CCDC141: variants seen among roughly 807,000 people sequenced by gnomAD.
The protein encoded by CCDC141 is coiled-coil domain containing 141, also known as coiled-coil domain-containing protein 141.
In CCDC141, 168 loss-of-function variants were observed where a neutral mutation model predicts 181.0. That is an observed-to-expected ratio of 0.93 (90% confidence interval 0.82 to 1.05). CCDC141 has a LOEUF of 1.05. Among genes scored for constraint, CCDC141 ranks in the 50% least tolerant of loss-of-function variants. The pLI is 0.00. For synonymous variants in CCDC141, 666 were observed against 642.3 expected (o/e 1.04, Z -0.56); for missense variants, 1,902 against 1,788.5 (o/e 1.06, Z -1.14).
rs758023806 is a variant in CCDC141, at chr2:178,944,618, A to G, written c.814T>C (p.Leu272=). ...TCWFQKTIRN[L]QEQSLGSSLS... ...GATGAACCTAGACTTTGTTCCTGTA[A>G]ATTTCTTATAGTTTTCTGAAACCAA... The change falls in exon 6 of 24, where the codon TTA becomes CTA. Residue 272 remains leucine, a synonymous_variant. Transcript: ENST00000443758. 5.9e-5 allele frequency: 90 copies of G among 1,528,074 alleles called. No individual in the cohort carries two copies. Among genetic ancestry groups the G allele is most frequent in the Non-Finnish European group, 7.2e-5 (82 of 1,137,030 alleles). 94.7% of individuals were successfully genotyped at this position (1,528,074 alleles called of 1,614,324 possible). A position where few individuals can be genotyped will look rare whatever the true frequency, so the allele number is the denominator to read the frequency against.
In CCDC141 at chr2:178,944,169, G is replaced by A. The variant is rs1175193916; in HGVS notation, c.897+366C>T. 2.0e-5 allele frequency among the ~76,000 whole-genome samples: 3 copies of A among 152,242 alleles called. No individual in the cohort carries two copies. In the East Asian group the frequency reaches 5.8e-4, roughly 29 times the overall value. On this transcript the variant is annotated intron_variant, in intron 6 of 23. Transcript: ENST00000443758. ...TATATTACACTGGTCAAGTGACTTG[G>A]CATTTCCAAGCCTTTTTGTTTTATT... is the stretch of plus-strand genomic sequence containing the variant.
intron 6 of CCDC141, among the ~76,000 whole-genome samples, chr2:178,932,211 T>C (rs1039610599): frequency 6.6e-6 from 1 of 152,104 alleles, no homozygotes; most frequent in Admixed American, 6.6e-5. Context: ...AAAACTGTTA[T>C]ATACAACCAC....
Position 178,899,443 on chromosome 2 carries a change from G to C in CCDC141, c.1265+5886C>G, listed in dbSNP as rs113872890. On this transcript the variant is annotated intron_variant, in intron 8 of 23. Coordinates refer to ENST00000443758, the MANE Select transcript of CCDC141 (RefSeq NM_173648.4). ...TAGAGAGGGCTCAATAAATAAGTGA[G>C]TTTGTGCTCAACTGGTGGTGCTGTC... 1.3e-3 allele frequency among the ~76,000 whole-genome samples: 194 copies of C among 152,208 alleles called. 2 individuals are homozygous for C. The highest frequency in any genetic ancestry group is 4.4e-3 in the African/African-American group (183 of 41,550).
intron 17 of CCDC141, among the ~76,000 whole-genome samples, chr2:178,865,437 G>A (rs1208765502): frequency 1.3e-5 from 2 of 152,140 alleles, no homozygotes; most frequent in Non-Finnish European, 2.9e-5. Context: ...TGAAGCAAAT[G>A]ACTGCTATAC....
chr2:179,015,084 A>ATATATATATATAT (rs2042401623), intron 2 of CCDC141, among the ~76,000 whole-genome samples: 1 of 41,600 alleles, frequency 2.4e-5, no homozygotes, highest in African/African-American at 7.4e-5. Context: ...ATATATATAT[A>ATATATATATATAT]TATATATATA....
intron 2 of CCDC141, among the ~76,000 whole-genome samples, chr2:179,045,481 A>G (rs1288601186): frequency 6.6e-6 from 1 of 152,158 alleles, no homozygotes; most frequent in Non-Finnish European, 1.5e-5. Context: ...ATACGTGTGC[A>G]TATGTTTTAT....
chr2:178,881,915 T>TCTCA (rs1465946696), intron 11 of CCDC141, among the ~76,000 whole-genome samples: 90 of 92,346 alleles, frequency 9.7e-4, no homozygotes, highest in African/African-American at 1.5e-3. Context: ...TCTCTCTCTC[T>TCTCA]CACACACACA....
chr2:178,881,913 TCTCA>T (rs753199903), intron 11 of CCDC141, among the ~76,000 whole-genome samples: 4,623 of 110,520 alleles, frequency 0.042, 73 homozygotes, highest in Non-Finnish European at 0.062. Flanking sequence ...TCTCTCTCTC[TCTCA>T]CACACACACA....
rs10930846 is a variant in CCDC141 at position 178,975,106 on chromosome 2, A to G, written c.477T>C (p.Ser159=). The G allele has an allele frequency of 0.27, 415,461 of 1,520,870 alleles. 63,482 individuals are homozygous for G. The highest frequency in any genetic ancestry group is 0.71 in the East Asian group (28,569 of 40,426). 94.2% of individuals were successfully genotyped at this position (1,520,870 alleles called of 1,614,324 possible). A position where few individuals can be genotyped will look rare whatever the true frequency, so the allele number is the denominator to read the frequency against. ...DFLQNTHEFE[S]AESLKSLLQL... ...GAAGAAGTGATTTTAAGGACTCAGC[A>G]CTCTCAAACTCATGAGTATTCTGGA... The change falls in exon 4 of 24, where the codon AGT becomes AGC. Residue 159 remains serine (S), a synonymous_variant. Coordinates refer to ENST00000443758, the MANE Select transcript of CCDC141 (RefSeq NM_173648.4).
the CCDC141 span, among the ~76,000 whole-genome samples, chr2:178,824,744 T>C: frequency 4.0e-5 from 6 of 151,426 alleles, no homozygotes; most frequent in Admixed American, 1.3e-4. Flanking sequence ...ATGGTGTTCA[T>C]AATCCATTTT....
rs561146400 is a variant in CCDC141, at chr2:178,837,890, G to A, written c.3475-146C>T. 3.6e-4 allele frequency: 287 copies of A among 797,252 alleles called. 4 individuals are homozygous for A. In the South Asian group the frequency reaches 5.0e-3, roughly 14 times the overall value. The allele number at this position is 797,252 out of a possible 1,614,324, so 49.4% of individuals were successfully genotyped here. A position where few individuals can be genotyped will look rare whatever the true frequency, so the allele number is the denominator to read the frequency against. On this transcript the variant is annotated intron_variant, in intron 22 of 23. Coordinates refer to ENST00000443758, the MANE Select transcript of CCDC141 (RefSeq NM_173648.4). ...GGGCTGGAGCAAGAATTACGGATGA[G>A]AAACCATTTGTCTGTCGATCCTGAG...
chr2:178,904,873 C>A (rs1687886833), intron 8 of CCDC141, among the ~76,000 whole-genome samples: 1 of 152,032 alleles, frequency 6.6e-6, no homozygotes, highest in African/African-American at 2.4e-5. Flanking sequence ...TCACTGTTTA[C>A]TTAGGGTTTT....
intron 4 of CCDC141, among the ~76,000 whole-genome samples, chr2:178,972,788 T>A (rs537220051): frequency 6.6e-6 from 1 of 152,316 alleles, no homozygotes; most frequent in African/African-American, 2.4e-5. Flanking sequence ...GGAACCAACT[T>A]GTTCTGAAAC....
chr2:179,014,125 A>G (rs2154384731), intron 2 of CCDC141, among the ~76,000 whole-genome samples: 1 of 152,216 alleles, frequency 6.6e-6, no homozygotes, highest in African/African-American at 2.4e-5. Flanking sequence ...CCAAATACTC[A>G]CAGCCAACTG....
At chr2:179,025,950 T>A (rs2154386270) in intron 2 of CCDC141, among the ~76,000 whole-genome samples, 1 of 152,244 alleles carries the variant, frequency 6.6e-6, no homozygotes, top group Non-Finnish European at 1.5e-5. Flanking sequence ...GAGAGATGAT[T>A]TAGGGTATCT....
In CCDC141 at chr2:178,837,274, G is replaced by A. The variant is rs1684519507; in HGVS notation, c.3945C>T (p.Ile1315=). The A allele has an allele frequency of 1.2e-6, 2 of 1,613,982 alleles. No homozygotes were observed. Among genetic ancestry groups the A allele is most frequent in the Admixed American group, 1.7e-5 (1 of 59,984 alleles). The change falls in exon 23 of 24, where the codon ATC becomes ATT. Residue 1315 remains isoleucine, a synonymous_variant. Coordinates refer to ENST00000443758, the MANE Select transcript of CCDC141 (RefSeq NM_173648.4). ...TCATGCTCTCTGGATGTTCAGCACT[G>A]ATTCTGTGTAAGGCAGTACTCTTTT... ...FVEKSTALHR[I]SAEHPESMMS...
At chr2:179,026,146 A>G (rs533330848) in intron 2 of CCDC141, among the ~76,000 whole-genome samples, 1 of 152,342 alleles carries the variant, frequency 6.6e-6, no homozygotes, top group South Asian at 2.1e-4. Flanking sequence ...TGCATAAGTA[A>G]TGAGGGGCCA....
intron 2 of CCDC141, among the ~76,000 whole-genome samples, chr2:179,045,155 TC>T (rs566317442): frequency 7.6e-6 from 1 of 131,910 alleles, no homozygotes; most frequent in Non-Finnish European, 1.6e-5. Context: ...ATGCTATCCC[TC>T]CCCCCTCCCC....
intron 5 of CCDC141, among the ~76,000 whole-genome samples, chr2:178,952,567 GGAAGCAATAGTCAT>G (rs1287608565): frequency 6.6e-6 from 1 of 152,136 alleles, no homozygotes; most frequent in Non-Finnish European, 1.5e-5. Context: ...CAGTGCCATT[GGAAGCAATAGTCAT>G]TCGCATACAT....
Sources: gnomAD v4.1 joint callset for allele counts (sites outside exome capture counted in the v4.1 genomes callset) on GRCh38, gnomAD v4.1.1 for gene constraint, MANE v1.5 for transcripts, NCBI Gene and HGNC (gene_info 2026-07-23, HGNC 2026-07-21) for gene names.